The following FAM184B variants were observed in gnomAD, a reference collection of about 807,000 sequenced individuals.
FAM184B encodes family with sequence similarity 184 member B, also known as protein FAM184B.
A neutral mutation model predicts 135.9 loss-of-function variants in FAM184B; 111 were observed. That is an observed-to-expected ratio of 0.82 (90% CI 0.70 to 0.96). The LOEUF (loss-of-function observed/expected upper bound fraction) is 0.96, where lower values mean the gene tolerates loss of function less well. Ranked by LOEUF, FAM184B falls within the 40% of genes least tolerant of loss-of-function variation. FAM184B has a pLI of 0.00. For synonymous variants in FAM184B, 552 were observed against 524.8 expected (o/e 1.05, Z -0.71); for missense variants, 1,375 against 1,323.9 (o/e 1.04, Z -0.60).
At position 17,692,869 on chromosome 4, in the gene FAM184B, G is replaced by GA. The variant is rs531086379; in HGVS notation, c.1488+432dup. 7.8e-4 allele frequency among the ~76,000 whole-genome samples: 118 copies of GA among 151,952 alleles called. 1 individual carries two copies. The South Asian group carries it at 0.022, about 29-fold the overall frequency. On this transcript the variant is annotated intron_variant, in intron 6 of 17. Transcript: ENST00000265018. ...AATGTGTTAATTTCTTTTAAAATCA[G>GA]AAAAAAGTATAGTCTGGATGATATT...
rs1560200357 is a variant in FAM184B at position 17,781,169 on chromosome 4, T to G, written c.131A>C (p.Gln44Pro). ...TGCGCCCCACCTTACCTTGGTGAGC[T>G]GGGCGATCTTCTTGCACATTTTCAC... is the stretch of plus-strand genomic sequence containing the variant. Reference protein sequence around the residue: ...MHVKMCKKIAQLTKVIYALNT... With the variant: ...MHVKMCKKIAPLTKVIYALNT... Residue 44 changes from glutamine to proline, a missense_variant, in exon 1 of 18, where the codon CAG becomes CCG. Gln to Pro is a moderately conservative substitution (Grantham distance 76). Transcript: ENST00000265018. The surrounding 1 kb of genome is among the most constrained non-coding windows in gnomAD (Gnocchi z 6.5). 4 of 1,546,420 alleles carry G rather than the reference T, an allele frequency of 2.6e-6. No homozygotes were observed. The highest frequency in any genetic ancestry group is 3.5e-6 in the Non-Finnish European group (4 of 1,144,562).
In FAM184B at chr4:17,636,000, A is replaced by G. The variant is rs138769185; in HGVS notation, c.2784+528T>C. ...AAATTCTGTAAGTTAAAAAACCAAT[A>G]TTAACATGGGGCAAATGCTGTTGGA... On this transcript the variant is annotated intron_variant, in intron 15 of 17. Transcript: ENST00000265018. Among the ~76,000 whole-genome samples, 218 of 152,048 alleles carry G rather than the reference A, an allele frequency of 1.4e-3. 1 individual carries two copies. Among genetic ancestry groups the G allele is most frequent in the Middle Eastern group, 0.01 (3 of 294 alleles).
intron 1 of FAM184B, among the ~76,000 whole-genome samples, chr4:17,720,551 A>C (rs1717497709): frequency 6.6e-6 from 1 of 151,880 alleles, no homozygotes; most frequent in Non-Finnish European, 1.5e-5. Flanking sequence ...GGAATGTAAA[A>C]TGGTGTAGCC....
intron 1 of FAM184B, among the ~76,000 whole-genome samples, chr4:17,730,585 G>A (rs927626018): frequency 1.3e-5 from 2 of 152,316 alleles, no homozygotes; most frequent in South Asian, 4.1e-4. Context: ...AACTCTACAA[G>A]CCAGAAGAGA....
chr4:17,725,705 G>A (rs138020653), intron 1 of FAM184B, among the ~76,000 whole-genome samples: 14 of 152,266 alleles, frequency 9.2e-5, no homozygotes, highest in Non-Finnish European at 8.8e-5. Flanking sequence ...GTCATATAGC[G>A]TCTGTCAGTA....
chr4:17,745,184 C>G (rs1431907081), intron 1 of FAM184B, among the ~76,000 whole-genome samples: 10 of 152,186 alleles, frequency 6.6e-5, no homozygotes, highest in Non-Finnish European at 1.0e-4. Flanking sequence ...GAATGCCTTG[C>G]AGAATAATCT....
At chr4:17,706,994 G>T (rs1259165479) in intron 3 of FAM184B, among the ~76,000 whole-genome samples, 5 of 152,078 alleles carry the variant, frequency 3.3e-5, no homozygotes, top group African/African-American at 1.2e-4. Context: ...TACCATGTTT[G>T]CCAGGCTGGT....
chr4:17,731,940 G>A (rs1363178027), intron 1 of FAM184B, among the ~76,000 whole-genome samples: 1 of 151,998 alleles, frequency 6.6e-6, no homozygotes, highest in Admixed American at 6.6e-5. Flanking sequence ...TGGAAGTAAA[G>A]CACTCCTCAG....
Position 17,682,133 on chromosome 4 carries a change from T to A in FAM184B, c.1596+6291A>T, listed in dbSNP as rs556178600. On this transcript the variant is annotated intron_variant, in intron 7 of 17. Transcript: ENST00000265018. ...ACCACAAATGACTCCCTTTTCCTTCTGGAGAGGGCGTGGGCAGGTGTATAT... is the reference window on the plus strand; with the variant it reads ...ACCACAAATGACTCCCTTTTCCTTCAGGAGAGGGCGTGGGCAGGTGTATAT... 5.9e-5 allele frequency among the ~76,000 whole-genome samples: 9 copies of A among 152,282 alleles called. 1 individual carries two copies. Among genetic ancestry groups the A allele is most frequent in the Admixed American group, 4.6e-4 (7 of 15,290 alleles).
At chr4:17,684,316 A>C (rs1716527320) in intron 7 of FAM184B, among the ~76,000 whole-genome samples, 1 of 151,630 alleles carries the variant, frequency 6.6e-6, no homozygotes, top group Non-Finnish European at 1.5e-5. Context: ...CTGAAAGGAT[A>C]CATAAGAAGA....
At chr4:17,658,701 G>A (rs1006229717) in intron 9 of FAM184B, 139 bp from the exon 10 acceptor site, 3 of 851,212 alleles carry the variant, frequency 3.5e-6, no homozygotes, top group Non-Finnish European at 5.3e-6. Flanking sequence ...GATGGAAGCT[G>A]CAAGCTTTAA....
At chr4:17,766,275 C>T (rs923658100) in intron 1 of FAM184B, among the ~76,000 whole-genome samples, 4 of 152,110 alleles carry the variant, frequency 2.6e-5, no homozygotes, top group African/African-American at 9.7e-5. Flanking sequence ...CTGATTGGTG[C>T]GTTTACAATC....
chr4:17,671,269 C>G (rs967329382), intron 7 of FAM184B, among the ~76,000 whole-genome samples: 1 of 152,086 alleles, frequency 6.6e-6, no homozygotes. Context: ...ATTGGCATGT[C>G]TAGCACCCCA....
intron 1 of FAM184B, among the ~76,000 whole-genome samples, chr4:17,723,766 C>G (rs529612007): frequency 6.6e-6 from 1 of 152,190 alleles, no homozygotes; most frequent in Non-Finnish European, 1.5e-5. Context: ...CTTTACACAG[C>G]CAAATCTTCT....
At chr4:17,735,212 A>G (rs1262688590) in intron 1 of FAM184B, among the ~76,000 whole-genome samples, 1 of 152,082 alleles carries the variant, frequency 6.6e-6, no homozygotes, top group African/African-American at 2.4e-5. Flanking sequence ...GGATAGCATT[A>G]GGAGATATAC....
chr4:17,700,486 A>G (rs893645566), intron 5 of FAM184B, among the ~76,000 whole-genome samples: 9 of 152,268 alleles, frequency 5.9e-5, no homozygotes, highest in East Asian at 3.8e-4. Context: ...AAAGGTTTCA[A>G]TTTACATGAA....
chr4:17,724,770 G>A (rs565140220), intron 1 of FAM184B, among the ~76,000 whole-genome samples: 1 of 152,288 alleles, frequency 6.6e-6, no homozygotes, highest in East Asian at 1.9e-4. Flanking sequence ...CACAACAACG[G>A]TAAGAAGATT....
chr4:17,728,680 A>G (rs1228551651), intron 1 of FAM184B, among the ~76,000 whole-genome samples: 2 of 152,196 alleles, frequency 1.3e-5, no homozygotes, highest in East Asian at 3.9e-4. Flanking sequence ...TGCTGGTGTC[A>G]GACTCAGAGG....
intron 5 of FAM184B, among the ~76,000 whole-genome samples, chr4:17,700,650 T>C (rs186788076): frequency 6.6e-6 from 1 of 152,246 alleles, no homozygotes; most frequent in East Asian, 1.9e-4. Flanking sequence ...TTGACCTAAT[T>C]AGCTTTTATA....
Sources: gnomAD v4.1 joint callset for allele counts (sites outside exome capture counted in the v4.1 genomes callset) on GRCh38, gnomAD v4.1.1 for gene constraint, Gnocchi (gnomAD v3.1) non-coding constraint, MANE v1.5 for transcripts, NCBI Gene and HGNC (gene_info 2026-07-23, HGNC 2026-07-21) for gene names.